PTPRD: variants seen among roughly 807,000 people sequenced by gnomAD.
The protein encoded by PTPRD is protein tyrosine phosphatase receptor type D, also known as receptor-type tyrosine-protein phosphatase delta.
In PTPRD, 34 loss-of-function variants were observed where a neutral mutation model predicts 214.5. The observed-to-expected ratio is 0.16, with a 90% CI of 0.12 to 0.21. The LOEUF is 0.21. Among genes scored for constraint, PTPRD ranks in the 10% least tolerant of loss-of-function variants. The probability of loss-of-function intolerance (pLI) is 1.00; values close to 1 mark genes in which losing one functional copy is unlikely to be tolerated. For missense variants in PTPRD, 2,545 were observed against 2,398.7 expected (o/e 1.06, Z -1.27); for synonymous variants, 1,128 against 845.7 (o/e 1.33, Z -5.79).
chr9:8,753,882 C>T (rs1002694356), intron 11 of PTPRD, among the ~76,000 whole-genome samples: 10 of 152,096 alleles, frequency 6.6e-5, no homozygotes, highest in East Asian at 1.9e-4. Context: ...TGGTGGCTCA[C>T]GCCTGTAATC....
At position 9,725,518 on chromosome 9, in the gene PTPRD, C is replaced by T. The variant is rs868518162; in HGVS notation, c.-287+9015G>A. On this transcript the variant is annotated intron_variant, in intron 7 of 45. Coordinates refer to ENST00000381196, the MANE Select transcript of PTPRD (RefSeq NM_002839.4). ...AAGAGAAAAGGCACTGAAGCTCTAA[C>T]CACATAAGCACTTTATCTGAGCACT... 1.3e-4 allele frequency among the ~76,000 whole-genome samples: 20 copies of T among 152,200 alleles called. No homozygotes were observed. In the Middle Eastern group the frequency reaches 0.01, roughly 78 times the overall value.
In PTPRD at chr9:10,613,000, C is replaced by T. The variant is rs1462680416; in HGVS notation, c.-1020G>A. On this transcript the variant is annotated 5_prime_UTR_variant, in exon 1 of 46. In the 5' UTR this introduces an upstream ATG that the reference lacks. Transcript: ENST00000381196. ...GCGCTCCCTCCTCGTCTCGCTCGCA[C>T]TCACAGGCACACACCCCACGTCTCC... Among the ~76,000 whole-genome samples the T allele has an allele frequency of 6.6e-6, 1 of 151,336 alleles. No individual in the cohort carries two copies. Among genetic ancestry groups the T allele is most frequent in the African/African-American group, 2.4e-5 (1 of 41,352 alleles).
At chr9:9,167,580 C>T (rs950584388) in intron 10 of PTPRD, among the ~76,000 whole-genome samples, 5 of 151,864 alleles carry the variant, frequency 3.3e-5, no homozygotes, top group African/African-American at 7.3e-5. Flanking sequence ...CATGGAGAAA[C>T]TCTGTCCCTA....
At chr9:8,929,615 A>G (rs2098930248) in intron 11 of PTPRD, among the ~76,000 whole-genome samples, 2 of 150,910 alleles carry the variant, frequency 1.3e-5, no homozygotes, top group Admixed American at 6.6e-5. Context: ...GGATTTTTGC[A>G]TCGATGTTCA....
chr9:10,378,176 C>T (rs1276729264), intron 2 of PTPRD, among the ~76,000 whole-genome samples: 1 of 151,912 alleles, frequency 6.6e-6, no homozygotes, highest in Non-Finnish European at 1.5e-5. Flanking sequence ...TGGTGAACAC[C>T]TTTTCATATG....
chr9:9,255,790 AC>A (rs1215743619), intron 9 of PTPRD, among the ~76,000 whole-genome samples: 1 of 151,994 alleles, frequency 6.6e-6, no homozygotes, highest in Non-Finnish European at 1.5e-5. Context: ...AAGATCCGGG[AC>A]TTTTTTCATT....
At chr9:9,571,248 C>A (rs755539604) in intron 8 of PTPRD, among the ~76,000 whole-genome samples, 1 of 151,150 alleles carries the variant, frequency 6.6e-6, no homozygotes, top group Admixed American at 6.6e-5. Context: ...CTATCAGACA[C>A]AAAATAAGTT....
At chr9:9,486,652 G>A (rs187612540) in intron 8 of PTPRD, among the ~76,000 whole-genome samples, 3 of 152,072 alleles carry the variant, frequency 2.0e-5, no homozygotes, top group Admixed American at 6.6e-5. Flanking sequence ...CTACAAACAG[G>A]CTATGTTGGC....
intron 5 of PTPRD, among the ~76,000 whole-genome samples, chr9:9,851,730 T>C (rs1443845429): frequency 1.3e-5 from 2 of 152,188 alleles, no homozygotes; most frequent in African/African-American, 4.8e-5. Flanking sequence ...CAGTTAGCCA[T>C]GTTTGCACCA....
intron 7 of PTPRD, among the ~76,000 whole-genome samples, chr9:9,576,295 G>A (rs541568819): frequency 6.6e-6 from 1 of 152,188 alleles, no homozygotes; most frequent in South Asian, 2.1e-4. Context: ...CCACTTGAGA[G>A]GTGATATAAA....
intron 11 of PTPRD, among the ~76,000 whole-genome samples, chr9:8,769,942 G>T (rs1031382864): frequency 6.6e-6 from 1 of 152,032 alleles, no homozygotes; most frequent in Non-Finnish European, 1.5e-5. Flanking sequence ...GAAATGATCT[G>T]CCAAATATTA....
intron 14 of PTPRD, among the ~76,000 whole-genome samples, chr9:8,624,509 T>C (rs565399965): frequency 6.6e-6 from 1 of 151,910 alleles, no homozygotes; most frequent in Admixed American, 6.6e-5. Context: ...GGGGATTCAG[T>C]AGTGATGGGA....
chr9:9,292,849 G>T (rs375202440), intron 9 of PTPRD, among the ~76,000 whole-genome samples: 16 of 114,254 alleles, frequency 1.4e-4, no homozygotes, highest in African/African-American at 4.3e-4. Flanking sequence ...GAGCTTTTTT[G>T]TTTGTTTGTT....
chr9:8,434,925 T>G (rs1338807188), intron 35 of PTPRD, among the ~76,000 whole-genome samples: 1 of 152,278 alleles, frequency 6.6e-6, no homozygotes, highest in Middle Eastern at 3.4e-3. Context: ...AGGAAAGAAA[T>G]AAGCTGCGAC....
intron 9 of PTPRD, among the ~76,000 whole-genome samples, chr9:9,386,370 G>A (rs934928733): frequency 6.6e-6 from 1 of 152,088 alleles, no homozygotes; most frequent in Non-Finnish European, 1.5e-5. Flanking sequence ...AATGCCTCTG[G>A]TATGTCAAGC....
intron 22 of PTPRD, among the ~76,000 whole-genome samples, chr9:8,506,490 A>G (rs1264998245): frequency 6.6e-6 from 1 of 152,204 alleles, no homozygotes; most frequent in African/African-American, 2.4e-5. Flanking sequence ...ACCGTTAACA[A>G]CACAGACTCT....
chr9:9,443,923 C>A (rs1293615851), intron 8 of PTPRD, among the ~76,000 whole-genome samples: 1 of 152,180 alleles, frequency 6.6e-6, no homozygotes, highest in Non-Finnish European at 1.5e-5. Context: ...TATATTCATT[C>A]ATGTTTTTGA....
In PTPRD at chr9:10,192,873, C is replaced by G. The variant is rs371258918; in HGVS notation, c.-545+148090G>C. On this transcript the variant is annotated intron_variant, in intron 3 of 45. Coordinates refer to ENST00000381196, the MANE Select transcript of PTPRD (RefSeq NM_002839.4). ...GACGTGTGAGTCTACACTTATGATT[C>G]TAAGAAGGATAACAGCCTAAAGCTT... Among the ~76,000 whole-genome samples the G allele has an allele frequency of 1.3e-3, 195 of 152,178 alleles. 6 individuals carry two copies. The South Asian group carries it at 0.037, about 29-fold the overall frequency.
chr9:9,319,040 G>C (rs1964999843), intron 9 of PTPRD, among the ~76,000 whole-genome samples: 1 of 152,186 alleles, frequency 6.6e-6, no homozygotes, highest in Non-Finnish European at 1.5e-5. Context: ...AGCAGTGATT[G>C]CTTTCAAGTT....
Sources: allele counts gnomAD v4.1 joint callset (sites outside exome capture counted in the v4.1 genomes callset), GRCh38; gene constraint gnomAD v4.1.1; transcripts MANE v1.5; gene names NCBI Gene and HGNC (gene_info 2026-07-23, HGNC 2026-07-21).